RIT1: variants seen among roughly 807,000 people sequenced by gnomAD.
RIT1 encodes the protein Ras like without CAAX 1.
A neutral mutation model predicts 25.6 loss-of-function variants in RIT1; 6 were observed. The observed-to-expected ratio is 0.23, with a 90% confidence interval of 0.13 to 0.46. The LOEUF is 0.46. Among genes scored for constraint, RIT1 ranks in the 20% least tolerant of loss-of-function variants. The pLI is 0.99. For missense variants in RIT1, 219 were observed against 284.4 expected (o/e 0.77, Z 1.65); for synonymous variants, 81 against 94.1 (o/e 0.86, Z 0.80).
chr1:155,908,101 C>CAA (rs766323071), intron 3 of RIT1, among the ~76,000 whole-genome samples: 3 of 134,102 alleles, frequency 2.2e-5, no homozygotes, highest in African/African-American at 9.2e-5. Context: ...AAAAAAAAAA[C>CAA]AAAAAAAAAA....
rs769298435 is a variant in RIT1, at chr1:155,910,498, T to C, written c.115A>G (p.Met39Val). The change falls in exon 3 of 6, where the codon ATG becomes GTG. Residue 39 changes from methionine to valine, a missense_variant. Transcript: ENST00000368323. ...AGGVGKSAMT[M>V]QFISHRFPED... is the part of the protein sequence containing the mutation. ...GGGAATCGGTGGCTGATGAACTGCA[T>C]GGTCATGGCTTCAAAAGAAGAAATA... The C allele has an allele frequency of 6.2e-7, 1 of 1,614,194 alleles. No homozygotes were observed. The highest frequency in any genetic ancestry group is 8.5e-7 in the Non-Finnish European group (1 of 1,180,008).
chr1:155,908,101 CAA>C (rs766323071), intron 3 of RIT1, among the ~76,000 whole-genome samples: 1 of 134,064 alleles, frequency 7.5e-6, no homozygotes, highest in African/African-American at 3.1e-5. Context: ...AAAAAAAAAA[CAA>C]AAAAAAAAAT....
chr1:155,904,669 C>T (rs1315110606), intron 4 of RIT1, 62 bp downstream of exon 4: 1 of 1,311,232 alleles, frequency 7.6e-7, no homozygotes. Context: ...TCTGTGTAGG[C>T]CTTCCCCTCC....
At chr1:155,910,858 C>T (rs1673582188) in intron 1 of RIT1, 54 bp from the exon 2 acceptor site, 1 of 1,598,850 alleles carries the variant, frequency 6.3e-7, no homozygotes, top group East Asian at 2.3e-5. Flanking sequence ...ACGGCGACAG[C>T]CCTCAAGCCA....
chr1:155,910,988 T>G, intron 1 of RIT1, 184 bp from the exon 2 acceptor site: 1 of 1,356,146 alleles, frequency 7.4e-7, no homozygotes, highest in Non-Finnish European at 1.0e-6. Context: ...CCCTCCCTCC[T>G]AGACAGTTCA....
In RIT1 at chr1:155,902,361, C is replaced by A. The variant is rs1449238951; in HGVS notation, c.430-1743G>T. ...ATAAAGTTTAAAAATGCTTTTATAT[C>A]AAAAAAAAAAAAAAGAAAAGAAAAA... On this transcript the variant is annotated intron_variant, in intron 5 of 5. Transcript: ENST00000368323. Among the ~76,000 whole-genome samples, 24 of 137,848 alleles carry A rather than the reference C, an allele frequency of 1.7e-4. No individual in the cohort carries two copies. The East Asian group carries it at 1.8e-3, about 10-fold the overall frequency. The allele number at this position is 137,848 out of a possible 152,430, so 90.4% of individuals were successfully genotyped here. A position where few individuals can be genotyped will look rare whatever the true frequency, so the allele number is the denominator to read the frequency against.
chr1:155,907,861 C>T (rs1197361292), intron 3 of RIT1, among the ~76,000 whole-genome samples: 3 of 152,086 alleles, frequency 2.0e-5, no homozygotes, highest in African/African-American at 4.8e-5. Flanking sequence ...GAGGCCGAGG[C>T]GGACGGATCA....
chr1:155,903,452 C>CAAAAAAAA (rs1192641376), intron 5 of RIT1, among the ~76,000 whole-genome samples: 2 of 53,720 alleles, frequency 3.7e-5, no homozygotes, highest in Admixed American at 2.3e-4. Flanking sequence ...GACTCTGTCT[C>CAAAAAAAA]AAAAAAAAAA....
In RIT1 at chr1:155,899,009, G is replaced by A. The variant is rs138509537; in HGVS notation, c.*1379C>T. 9.0e-4 allele frequency: 190 copies of A among 211,748 alleles called. 2 individuals are homozygous for A. In the East Asian group the frequency reaches 0.013, roughly 14 times the overall value. The allele number at this position is 211,748 out of a possible 1,614,324, so 13.1% of individuals were successfully genotyped here. A position where few individuals can be genotyped will look rare whatever the true frequency, so the allele number is the denominator to read the frequency against. On this transcript the variant is annotated 3_prime_UTR_variant, in exon 6 of 6. Transcript: ENST00000368323. ...TACGTTTCTAGTCAACACAAACATT[G>A]CTTCAGTGACACTTAATATTCAATA...
chr1:155,905,712 GTTAA>G (rs1408826845), intron 3 of RIT1, among the ~76,000 whole-genome samples: 2 of 151,930 alleles, frequency 1.3e-5, no homozygotes, highest in African/African-American at 2.4e-5. Flanking sequence ...CTCTAAATTA[GTTAA>G]TTAGTGACAG....
chr1:155,903,407 T>A (rs1207608428), intron 5 of RIT1, among the ~76,000 whole-genome samples: 2 of 140,750 alleles, frequency 1.4e-5, no homozygotes, highest in African/African-American at 5.4e-5. Flanking sequence ...GAGCCGAGAT[T>A]GTGCCACTGC....
chr1:155,911,033 A>G (rs1490666743), intron 1 of RIT1: 2 of 950,606 alleles, frequency 2.1e-6, no homozygotes, highest in East Asian at 2.6e-5. Flanking sequence ...ACTTTTTCCA[A>G]AGAGAAAAAT....
At chr1:155,911,113 G>A in intron 1 of RIT1, 130 bp downstream of exon 1, 1 of 606,206 alleles carries the variant, frequency 1.6e-6, no homozygotes, top group Admixed American at 3.1e-5. Context: ...AGAAAGGGAT[G>A]CGGCCCCTTA....
At chr1:155,906,556 T>C (rs1342131769) in intron 3 of RIT1, among the ~76,000 whole-genome samples, 1 of 147,506 alleles carries the variant, frequency 6.8e-6, no homozygotes, top group East Asian at 2.0e-4. Flanking sequence ...AGGTCAGGAG[T>C]TCAAGACCAG....
chr1:155,903,452 C>CA (rs1192641376), intron 5 of RIT1, among the ~76,000 whole-genome samples: 4,917 of 53,342 alleles, frequency 0.092, 404 homozygotes, highest in South Asian at 0.11. Flanking sequence ...GACTCTGTCT[C>CA]AAAAAAAAAA....
intron 3 of RIT1, among the ~76,000 whole-genome samples, chr1:155,907,180 CTACACA>C (rs57178670): frequency 0.29 from 42,960 of 149,772 alleles, 6,842 homozygotes; most frequent in East Asian, 0.75. Context: ...AATATTTTAG[CTACACA>C]TACACATGCG....
rs777167776 is a variant in RIT1 at position 155,904,757 on chromosome 1, G to C, written c.211C>G (p.Leu71Val). The C allele has an allele frequency of 1.9e-6, 3 of 1,612,548 alleles. No homozygotes were observed. Among genetic ancestry groups the C allele is most frequent in the Non-Finnish European group, 1.7e-6 (2 of 1,178,654 alleles). ...TGTCCAGCTGTATCCAAAATGTCCA[G>C]ATTGGCAGGCTCATCATCAATACGG... is the stretch of plus-strand genomic sequence containing the variant. ...RIRIDDEPAN[L>V]DILDTAGQAE... The change falls in exon 4 of 6, where the codon CTG becomes GTG. Residue 71 changes from leucine (L) to valine (V), a missense_variant. By Grantham distance (32) the Leu-to-Val change is conservative. Around this residue, in one of 3 missense-constraint regions of RIT1, gnomAD observed 131 missense variants for 173.6 expected, o/e 0.75. Transcript: ENST00000368323.
chr1:155,908,088 T>TAA (rs572558276), intron 3 of RIT1, among the ~76,000 whole-genome samples: 2 of 122,104 alleles, frequency 1.6e-5, no homozygotes, highest in Non-Finnish European at 1.7e-5. Context: ...AGACTCCATC[T>TAA]AAAAAAAAAA....
Position 155,899,457 on chromosome 1 carries a change from C to T in RIT1, c.*931G>A, listed in dbSNP as rs1673262945. On this transcript the variant is annotated 3_prime_UTR_variant, in exon 6 of 6. Coordinates refer to ENST00000368323, the MANE Select transcript of RIT1 (RefSeq NM_006912.6). ...AATCAGTGATGAAGGGCCGAAAAAA[C>T]ATCTTGCCAGCTGTAGCTCTTTTAC... 4.4e-6 allele frequency: 1 copy of T among 225,454 alleles called. No individual in the cohort carries two copies. The highest frequency in any genetic ancestry group is 8.9e-6 in the Non-Finnish European group (1 of 112,864). 14.0% of individuals were successfully genotyped at this position (225,454 alleles called of 1,614,324 possible).
Sources: allele counts gnomAD v4.1 joint callset (sites outside exome capture counted in the v4.1 genomes callset), GRCh38; gene constraint gnomAD v4.1.1; regional missense constraint gnomAD v4.1.1; transcripts MANE v1.5; gene names NCBI Gene and HGNC (gene_info 2026-07-23, HGNC 2026-07-21).